The following RASGEF1C variants were observed in gnomAD, a reference collection of about 807,000 sequenced individuals.
The protein encoded by RASGEF1C is RasGEF domain family member 1C.
RASGEF1C carries 27 observed loss-of-function variants against 58.1 expected under a neutral mutation model. The observed-to-expected ratio is 0.46, with a 90% CI of 0.34 to 0.64. The LOEUF (loss-of-function observed/expected upper bound fraction) is 0.64. RASGEF1C is among the 30% of genes least tolerant of loss of function. The pLI is 0.01. For synonymous variants in RASGEF1C, 243 were observed against 246.3 expected, an observed-to-expected ratio of 0.99 and a Z score of 0.13; for missense variants, 502 against 605.1, an observed-to-expected ratio of 0.83 and a Z score of 1.79.
Position 180,111,554 on chromosome 5 carries a change from C to A in RASGEF1C, c.1206G>T (p.Val402=), listed in dbSNP as rs202131786. ...CTTGTTTCCAGGTGATGAACTCCCC[C>A]ACCTGCTTGGCCAGCTCCAGGAATT... ...FEKFLELAKQ[V]GEFITWKQVE... is the part of the protein sequence containing the mutation. Residue 402 remains valine (V), a synonymous_variant, in exon 12 of 14, where the codon GTG becomes GTT. Transcript: ENST00000361132. 4 of 1,614,160 alleles carry A rather than the reference C, an allele frequency of 2.5e-6. No homozygotes were observed. The highest frequency in any genetic ancestry group is 1.6e-4 in the Middle Eastern group (1 of 6,062).
Position 180,101,242 on chromosome 5 carries a change from C to T in RASGEF1C, c.*259G>A. The stretch of plus-strand genomic sequence containing the variant: ...GGACAGACTGACCAGGCCCCACGGT[C>T]CTGAAGGCAGGATGTCCCCAAGGCA... On this transcript the variant is annotated 3_prime_UTR_variant, in exon 14 of 14. Transcript: ENST00000361132. 2 of 558,668 alleles carry T rather than the reference C, an allele frequency of 3.6e-6. No homozygotes were observed. Among genetic ancestry groups the T allele is most frequent in the Admixed American group, 6.1e-5 (2 of 32,802 alleles). The allele number at this position is 558,668 out of a possible 1,614,324, so 34.6% of individuals were successfully genotyped here. A position where few individuals can be genotyped will look rare whatever the true frequency, so the allele number is the denominator to read the frequency against.
At chr5:180,121,666 CACACACACACACA>C (rs748525806) in intron 6 of RASGEF1C, among the ~76,000 whole-genome samples, 28 of 91,428 alleles carry the variant, frequency 3.1e-4, no homozygotes, top group East Asian at 8.9e-4. Flanking sequence ...CACACACACA[CACACACACACACA>C]CACCCTCATT....
Position 180,197,282 on chromosome 5 carries a change from C to T in RASGEF1C, c.-7+11746G>A, listed in dbSNP as rs116359689. Among the ~76,000 whole-genome samples the T allele has an allele frequency of 1.0e-3, 159 of 152,322 alleles. 1 individual carries two copies. The highest frequency in any genetic ancestry group is 3.5e-3 in the African/African-American group (144 of 41,574). ...ACAATGGCTGGGACAGAGGGGAGCC[C>T]GAACCCTGGGACGGCAGGGGGAAGC... On this transcript the variant is annotated intron_variant, in intron 1 of 13. Coordinates refer to ENST00000361132, the MANE Select transcript of RASGEF1C (RefSeq NM_175062.4). This position sits in a 1 kb window ranked among gnomAD's most constrained non-coding sequence, Gnocchi z 4.7.
At chr5:180,101,673 C>T in intron 13 of RASGEF1C, 148 bp from the exon 14 acceptor site, 1 of 976,044 alleles carries the variant, frequency 1.0e-6, no homozygotes, top group Non-Finnish European at 1.5e-6. Context: ...TGGGGCTCAG[C>T]CCTCGAAGTC....
rs960943631 is a variant in RASGEF1C at position 180,177,913 on chromosome 5, C to G, written c.-7+31115G>C. ...ATGGAGGAAACGGAGCCAAGACTCA[C>G]AGAGACCGAGACCATGTCCCACATC... is the stretch of plus-strand genomic sequence containing the variant. On this transcript the variant is annotated intron_variant, in intron 1 of 13. Coordinates refer to ENST00000361132, the MANE Select transcript of RASGEF1C (RefSeq NM_175062.4). The surrounding 1 kb of genome is among the most constrained non-coding windows in gnomAD (Gnocchi z 5.0). Among the ~76,000 whole-genome samples, 1 of 151,738 alleles carries G rather than the reference C, an allele frequency of 6.6e-6. No homozygotes were observed. The highest frequency in any genetic ancestry group is 1.5e-5 in the Non-Finnish European group (1 of 68,004).
intron 1 of RASGEF1C, among the ~76,000 whole-genome samples, chr5:180,159,933 G>A (rs1052412648): frequency 1.1e-4 from 17 of 152,202 alleles, no homozygotes; most frequent in East Asian, 3.9e-4. Flanking sequence ...CAGCCAACAC[G>A]TGGGGGCAGG....
intron 4 of RASGEF1C, among the ~76,000 whole-genome samples, chr5:180,129,178 C>A (rs575755960): frequency 6.6e-6 from 1 of 152,220 alleles, no homozygotes; most frequent in Non-Finnish European, 1.5e-5. Flanking sequence ...CGCCCCACTC[C>A]CCATCTTCCC....
intron 1 of RASGEF1C, among the ~76,000 whole-genome samples, chr5:180,140,725 C>T (rs1186063167): frequency 6.6e-6 from 1 of 152,250 alleles, no homozygotes; most frequent in East Asian, 1.9e-4. Context: ...CCAGCTCCTC[C>T]TCCCTCCAGC....
At chr5:180,104,124 G>A (rs1006004989) in intron 12 of RASGEF1C, among the ~76,000 whole-genome samples, 1 of 152,174 alleles carries the variant, frequency 6.6e-6, no homozygotes, top group Non-Finnish European at 1.5e-5. Context: ...ATATTGGCCT[G>A]TATTTTCTTT....
chr5:180,109,241 G>C (rs1765916739), intron 12 of RASGEF1C, among the ~76,000 whole-genome samples: 1 of 152,096 alleles, frequency 6.6e-6, no homozygotes, highest in Non-Finnish European at 1.5e-5. Flanking sequence ...TGGATCATGA[G>C]GTCAGGAGAT....
chr5:180,168,536 G>A lies in RASGEF1C; in HGVS notation c.-6-30478C>T, dbSNP rs940756795. On this transcript the variant is annotated intron_variant, in intron 1 of 13. Coordinates refer to ENST00000361132, the MANE Select transcript of RASGEF1C (RefSeq NM_175062.4). The surrounding 1 kb of genome is among the most constrained non-coding windows in gnomAD (Gnocchi z 6.0). ...CAGTTTCCTGGGGCTCTGCATTTCC[G>A]TCGTCGAGCCAGAAAGCTAGGGCTT... Among the ~76,000 whole-genome samples the A allele has an allele frequency of 6.8e-4, 103 of 152,280 alleles. No homozygotes were observed. Among genetic ancestry groups the A allele is most frequent in the African/African-American group, 2.1e-3 (88 of 41,560 alleles).
intron 1 of RASGEF1C, among the ~76,000 whole-genome samples, chr5:180,159,418 G>A (rs1057389106): frequency 6.6e-6 from 1 of 152,170 alleles, no homozygotes; most frequent in Admixed American, 6.5e-5. Flanking sequence ...GGGATTACAG[G>A]CATGAGCCAC....
chr5:180,206,583 T>A (rs1756490974), intron 1 of RASGEF1C, among the ~76,000 whole-genome samples: 1 of 152,220 alleles, frequency 6.6e-6, no homozygotes, highest in South Asian at 2.1e-4. Flanking sequence ...TCTAGAAGTG[T>A]GTTCTAAATA....
chr5:180,110,857 C>G (rs942392391), intron 12 of RASGEF1C, among the ~76,000 whole-genome samples: 4 of 152,046 alleles, frequency 2.6e-5, no homozygotes, highest in African/African-American at 9.7e-5. Flanking sequence ...GCTCTGTCAC[C>G]CAGGATGGAG....
chr5:180,183,969 T>C (rs4700909), intron 1 of RASGEF1C, among the ~76,000 whole-genome samples: 128,077 of 151,752 alleles, frequency 0.84, 54,129 homozygotes, highest in Admixed American at 0.88. Context: ...GTCAGGGGTT[T>C]GAGACCAGCC....
At chr5:180,189,828 CAGG>C (rs1400986909) in intron 1 of RASGEF1C, among the ~76,000 whole-genome samples, 2 of 137,802 alleles carry the variant, frequency 1.5e-5, no homozygotes, top group South Asian at 2.4e-4. Context: ...GAGGCTGAGG[CAGG>C]AGATTTGCTT....
intron 11 of RASGEF1C, among the ~76,000 whole-genome samples, chr5:180,113,211 G>C (rs796329363): frequency 0.017 from 1,118 of 66,720 alleles, 91 homozygotes; most frequent in Non-Finnish European, 0.023. Context: ...CAGAGGGACC[G>C]GGGATGGACG....
At chr5:180,105,522 A>C (rs1765861387) in intron 12 of RASGEF1C, among the ~76,000 whole-genome samples, 2 of 151,402 alleles carry the variant, frequency 1.3e-5, no homozygotes, top group South Asian at 4.2e-4. Flanking sequence ...CGACTGCGCC[A>C]CTGCACTCCA....
chr5:180,143,192 A>AG lies in RASGEF1C; in HGVS notation c.-6-5135dup, dbSNP rs1039364209. On this transcript the variant is annotated intron_variant, in intron 1 of 13. Transcript: ENST00000361132. The surrounding 1 kb of genome is among the most constrained non-coding windows in gnomAD (Gnocchi z 4.3). ...GACAGGATCCCACGTGCCACCCTGC[A>AG]GGGGGGCACTCTGATGCCTGCCAGC... is the stretch of plus-strand genomic sequence containing the variant. 1.3e-5 allele frequency among the ~76,000 whole-genome samples: 2 copies of AG among 152,104 alleles called. No individual in the cohort carries two copies. Among genetic ancestry groups the AG allele is most frequent in the South Asian group, 2.1e-4 (1 of 4,816 alleles).
Sources: allele counts gnomAD v4.1 joint callset (sites outside exome capture counted in the v4.1 genomes callset), GRCh38; gene constraint gnomAD v4.1.1; non-coding constraint Gnocchi (gnomAD v3.1); transcripts MANE v1.5; gene names NCBI Gene and HGNC (gene_info 2026-07-23, HGNC 2026-07-21).